The following RUNX2 variants were observed in gnomAD, a reference collection of about 807,000 sequenced individuals.
The protein encoded by RUNX2 is runt-related transcription factor 2.
RUNX2 carries 10 observed loss-of-function variants against 51.7 expected under a neutral mutation model. The ratio of observed to expected loss-of-function variants is 0.19; its 90% CI spans 0.12 to 0.33. The LOEUF (loss-of-function observed/expected upper bound fraction) is 0.33. Among genes scored for constraint, RUNX2 ranks in the 10% least tolerant of loss-of-function variants. The pLI, the probability that RUNX2 is intolerant of heterozygous loss-of-function variation, is 1.00. For synonymous variants in RUNX2, 276 were observed against 273.6 expected, an observed-to-expected ratio of 1.01 and a Z score of -0.09; for missense variants, 562 against 691.3, an observed-to-expected ratio of 0.81 and a Z score of 2.10.
At chr6:45,391,239 C>T (rs1797462587) in intron 2 of RUNX2, among the ~76,000 whole-genome samples, 1 of 152,160 alleles carries the variant, frequency 6.6e-6, no homozygotes, top group South Asian at 2.1e-4. Flanking sequence ...GCAGATCCCT[C>T]ATGAATGGCT....
At chr6:45,366,387 C>T (rs1466671361) in intron 2 of RUNX2, among the ~76,000 whole-genome samples, 4 of 152,120 alleles carry the variant, frequency 2.6e-5, no homozygotes, top group South Asian at 2.1e-4. Context: ...CAACGATAAT[C>T]TCACCTTCTT....
At chr6:45,331,104 G>GGTGTGTGTGTGT (rs143223149) in intron 2 of RUNX2, among the ~76,000 whole-genome samples, 7 of 149,606 alleles carry the variant, frequency 4.7e-5, no homozygotes, top group African/African-American at 1.2e-4. Flanking sequence ...TACAATGAGT[G>GGTGTGTGTGTGT]GTGTGTGTGT....
At chr6:45,419,331 C>G (rs903554094) in intron 2 of RUNX2, among the ~76,000 whole-genome samples, 3 of 152,006 alleles carry the variant, frequency 2.0e-5, no homozygotes, top group Admixed American at 1.3e-4. Context: ...CTGCTTCCCC[C>G]CTTTGCAGCC....
chr6:45,409,646 G>A (rs1027730573), intron 2 of RUNX2, among the ~76,000 whole-genome samples: 1 of 152,070 alleles, frequency 6.6e-6, no homozygotes. Context: ...TTGAGCCACA[G>A]CCTAATCAAT....
rs554291421 is a variant in RUNX2 at position 45,426,112 on chromosome 6, T to A, written c.423+3155T>A. On this transcript the variant is annotated intron_variant, in intron 3 of 8. Coordinates refer to ENST00000647337, the MANE Select transcript of RUNX2 (RefSeq NM_001024630.4). ...GAATGTATTAGCGTTGTTCATCTAC[T>A]CTTGTTTCGAGATGATATAAAATTT... 2.2e-3 allele frequency among the ~76,000 whole-genome samples: 335 copies of A among 152,346 alleles called. 2 individuals carry two copies. Among genetic ancestry groups the A allele is most frequent in the African/African-American group, 7.8e-3 (326 of 41,582 alleles).
At chr6:45,345,493 G>GCTC (rs1198011807) in intron 2 of RUNX2, among the ~76,000 whole-genome samples, 3 of 151,914 alleles carry the variant, frequency 2.0e-5, no homozygotes, top group Non-Finnish European at 2.9e-5. Flanking sequence ...ATAAACCAAC[G>GCTC]CTCAAACCTG....
chr6:45,490,356 A>C (rs1168685698), intron 5 of RUNX2, among the ~76,000 whole-genome samples: 2 of 152,194 alleles, frequency 1.3e-5, no homozygotes, highest in South Asian at 4.1e-4. Flanking sequence ...GATGCCCAAA[A>C]ACTTGCACTG....
chr6:45,422,393 C>T (rs1798224473), intron 2 of RUNX2, 200 bp from the exon 3 acceptor site: 2 of 601,458 alleles, frequency 3.3e-6, no homozygotes, highest in South Asian at 3.9e-5. Flanking sequence ...TCGCCAGACT[C>T]TGTTGGCCCA....
rs3055521 is a variant in RUNX2 at position 45,532,162 on chromosome 6, A to ATTTT, written c.1022-13033_1022-13030dup. On this transcript the variant is annotated intron_variant, in intron 7 of 8. Coordinates refer to ENST00000647337, the MANE Select transcript of RUNX2 (RefSeq NM_001024630.4). ...GACATTTTGTACATAGAAAACCTAG[A>ATTTT]TTTTTTTTTTTTTTTTTTTTTTTTT... 1.8e-3 allele frequency among the ~76,000 whole-genome samples: 149 copies of ATTTT among 85,128 alleles called. 3 individuals carry two copies. Among genetic ancestry groups the ATTTT allele is most frequent in the African/African-American group, 2.2e-3 (46 of 20,938 alleles). 55.8% of individuals were successfully genotyped at this position (85,128 alleles called of 152,430 possible).
At chr6:45,388,299 G>A (rs1797397603) in intron 2 of RUNX2, among the ~76,000 whole-genome samples, 1 of 152,202 alleles carries the variant, frequency 6.6e-6, no homozygotes, top group African/African-American at 2.4e-5. Context: ...GAAAAAGTGA[G>A]GATGACAGGG....
At chr6:45,364,068 T>C (rs1581923215) in intron 2 of RUNX2, among the ~76,000 whole-genome samples, 4 of 151,474 alleles carry the variant, frequency 2.6e-5, no homozygotes, top group Admixed American at 1.3e-4. Flanking sequence ...TGAGCCAAGA[T>C]TGTGCCACTG....
At chr6:45,448,025 T>C (rs992987018) in intron 5 of RUNX2, among the ~76,000 whole-genome samples, 3 of 152,170 alleles carry the variant, frequency 2.0e-5, no homozygotes, top group African/African-American at 7.2e-5. Context: ...TGGAGTAGTA[T>C]TTAAGGAAAT....
At chr6:45,441,288 T>C (rs940113839) in intron 5 of RUNX2, among the ~76,000 whole-genome samples, 1 of 152,210 alleles carries the variant, frequency 6.6e-6, no homozygotes, top group Non-Finnish European at 1.5e-5. Flanking sequence ...TTCTGGTAGC[T>C]CAGCTGTTTG....
intron 2 of RUNX2, chr6:45,421,346 G>T (rs1798181547): frequency 6.6e-6 from 1 of 152,020 alleles, no homozygotes; most frequent in Non-Finnish European, 1.5e-5. Context: ...AAAAAGAAAT[G>T]TCCAGCTATG....
intron 5 of RUNX2, among the ~76,000 whole-genome samples, chr6:45,453,314 C>T (rs984924675): frequency 7.2e-5 from 11 of 152,146 alleles, no homozygotes; most frequent in Admixed American, 3.9e-4. Context: ...AAAGAACGCT[C>T]TTCTCAAACA....
At chr6:45,485,697 G>GTGTATATATATATATATATATATA (rs1219072282) in intron 5 of RUNX2, among the ~76,000 whole-genome samples, 98 of 103,988 alleles carry the variant, frequency 9.4e-4, no homozygotes, top group African/African-American at 3.5e-3. Context: ...GTGTGTGTGT[G>GTGTATATATATATATATATATATA]TATATATATA....
At chr6:45,331,129 G>T (rs202179785) in intron 2 of RUNX2, among the ~76,000 whole-genome samples, 16,955 of 136,016 alleles carry the variant, frequency 0.12, 1,340 homozygotes, top group East Asian at 0.26. Flanking sequence ...GTGTGTGTGC[G>T]CGCGCGCGCG....
chr6:45,443,746 T>A (rs1447597684), intron 5 of RUNX2, among the ~76,000 whole-genome samples: 1 of 152,238 alleles, frequency 6.6e-6, no homozygotes, highest in Non-Finnish European at 1.5e-5. Flanking sequence ...AGCAGATCAC[T>A]ACTCAAGTGA....
chr6:45,450,324 A>T (rs1799128553), intron 5 of RUNX2, among the ~76,000 whole-genome samples: 1 of 152,192 alleles, frequency 6.6e-6, no homozygotes, highest in Admixed American at 6.5e-5. Flanking sequence ...CCTTTAAAAT[A>T]GCTGACAGAG....
Sources: allele counts gnomAD v4.1 joint callset (sites outside exome capture counted in the v4.1 genomes callset), GRCh38; gene constraint gnomAD v4.1.1; transcripts MANE v1.5; gene names NCBI Gene and HGNC (gene_info 2026-07-23, HGNC 2026-07-21).